FOXP1: variants seen among roughly 807,000 people sequenced by gnomAD.
FOXP1 encodes the protein forkhead box P1.
In FOXP1, 15 loss-of-function variants were observed where a neutral mutation model predicts 98.2. The observed-to-expected ratio is 0.15, with a 90% CI of 0.10 to 0.24. The LOEUF is 0.24. FOXP1 is among the 10% of genes least tolerant of loss of function. The pLI, the probability that FOXP1 is intolerant of heterozygous loss-of-function variation, is 1.00. For synonymous variants in FOXP1, 371 were observed against 314.5 expected (o/e 1.18, Z -1.90); for missense variants, 633 against 848.5 (o/e 0.75, Z 3.15).
chr3:71,049,282 C>T (rs956545819), intron 9 of FOXP1, among the ~76,000 whole-genome samples: 22 of 152,102 alleles, frequency 1.4e-4, no homozygotes, highest in Non-Finnish European at 3.1e-4. Context: ...CCGGGACAAA[C>T]GGCCCTTTTA....
chr3:71,498,879 C>G (rs2041115065), intron 2 of FOXP1, among the ~76,000 whole-genome samples: 1 of 152,186 alleles, frequency 6.6e-6, no homozygotes, highest in Non-Finnish European at 1.5e-5. Flanking sequence ...CTGATCCGGG[C>G]ACCATCCTTT....
intron 4 of FOXP1, among the ~76,000 whole-genome samples, chr3:71,324,528 A>G (rs1560306941): frequency 6.6e-6 from 1 of 151,956 alleles, no homozygotes; most frequent in East Asian, 2.0e-4. Context: ...AGAAAACCAA[A>G]TGCTGCATGT....
intron 3 of FOXP1, among the ~76,000 whole-genome samples, chr3:71,463,569 G>A (rs2088382307): frequency 6.6e-6 from 1 of 151,926 alleles, no homozygotes; most frequent in Non-Finnish European, 1.5e-5. Flanking sequence ...TCTGGGCTGG[G>A]GTCTCTCCCC....
intron 4 of FOXP1, among the ~76,000 whole-genome samples, chr3:71,335,970 A>G (rs1221472423): frequency 7.8e-6 from 1 of 128,020 alleles, no homozygotes; most frequent in Non-Finnish European, 1.6e-5. Flanking sequence ...AGATCGTGCC[A>G]TTGCACTCCA....
chr3:71,216,931 T>C (rs957736600), intron 5 of FOXP1, among the ~76,000 whole-genome samples: 47 of 152,302 alleles, frequency 3.1e-4, no homozygotes, highest in Middle Eastern at 3.4e-3. Context: ...GGGGAGAGGC[T>C]GGGGATGCTG....
intron 20 of FOXP1, among the ~76,000 whole-genome samples, chr3:70,963,096 C>T (rs532614099): frequency 6.6e-6 from 1 of 152,302 alleles, no homozygotes; most frequent in East Asian, 1.9e-4. Context: ...AACACGTTTT[C>T]CCCCTAAATT....
chr3:71,453,711 G>A (rs1030453189), intron 3 of FOXP1, among the ~76,000 whole-genome samples: 1 of 152,102 alleles, frequency 6.6e-6, no homozygotes, highest in Non-Finnish European at 1.5e-5. Flanking sequence ...TCCCCAAAAT[G>A]CTGATGACAT....
intron 2 of FOXP1, among the ~76,000 whole-genome samples, chr3:71,502,584 G>T (rs1264112741): frequency 6.6e-6 from 1 of 152,182 alleles, no homozygotes; most frequent in African/African-American, 2.4e-5. Context: ...CTAGAGAGGT[G>T]ATCCCTATGT....
chr3:71,356,033 G>A (rs1413713834), intron 4 of FOXP1, among the ~76,000 whole-genome samples: 1 of 151,932 alleles, frequency 6.6e-6, no homozygotes, highest in Non-Finnish European at 1.5e-5. Context: ...GGGGGACTAG[G>A]ACCTGCTTTG....
At position 71,190,282 on chromosome 3, in the gene FOXP1, C is replaced by T. The variant is rs114328409; in HGVS notation, c.180+7920G>A. On this transcript the variant is annotated intron_variant, in intron 6 of 20. Transcript: ENST00000649528. ...CTAACATATCAGTTCCCCCTCCACC[C>T]CCATTTTCTTCCACATACGGAGGCT... Among the ~76,000 whole-genome samples the T allele has an allele frequency of 2.5e-3, 378 of 152,150 alleles. 1 individual carries two copies. Among genetic ancestry groups the T allele is most frequent in the African/African-American group, 8.7e-3 (362 of 41,520 alleles).
At chr3:71,298,744 T>TTA (rs1430501973) in intron 5 of FOXP1, among the ~76,000 whole-genome samples, 1 of 151,930 alleles carries the variant, frequency 6.6e-6, no homozygotes, top group Non-Finnish European at 1.5e-5. Context: ...TCCATATCCT[T>TTA]TATATATATG....
chr3:71,053,829 C>T, intron 7 of FOXP1, 56 bp from the exon 8 acceptor site: 1 of 1,607,246 alleles, frequency 6.2e-7, no homozygotes, highest in South Asian at 1.1e-5. Context: ...CACGCAGCCT[C>T]CCAGGTTCAG....
chr3:70,984,272 A>G (rs563476168), intron 14 of FOXP1, among the ~76,000 whole-genome samples: 3 of 152,298 alleles, frequency 2.0e-5, no homozygotes, highest in African/African-American at 7.2e-5. Flanking sequence ...CTTCCTCTAC[A>G]CTGATACTCA....
At position 71,376,367 on chromosome 3, in the gene FOXP1, G is replaced by A. The variant is rs201933269; in HGVS notation, c.-167-17123C>T. 8.5e-5 allele frequency among the ~76,000 whole-genome samples: 13 copies of A among 152,146 alleles called. No individual in the cohort carries two copies. In the East Asian group the frequency reaches 1.5e-3, roughly 18 times the overall value. The stretch of plus-strand genomic sequence containing the variant: ...ACTTGTCTCCACTGAGTCCATTTAC[G>A]GAGAATATGTCAATGATGTGTTTGC... On this transcript the variant is annotated intron_variant, in intron 3 of 20. Coordinates refer to ENST00000649528, the MANE Select transcript of FOXP1 (RefSeq NM_001349338.3).
At chr3:71,541,910 C>T (rs2044858330) in intron 2 of FOXP1, 4 of 498,462 alleles carry the variant, frequency 8.0e-6, no homozygotes, top group Admixed American at 4.6e-5. Context: ...AAAGTCAACA[C>T]TCGAGGTTTG....
chr3:71,499,273 G>C (rs950547542), intron 2 of FOXP1, among the ~76,000 whole-genome samples: 1 of 152,084 alleles, frequency 6.6e-6, no homozygotes, highest in East Asian at 1.9e-4. Context: ...GCCTCCCCTA[G>C]TCCACTTAAG....
intron 4 of FOXP1, among the ~76,000 whole-genome samples, chr3:71,356,656 C>T (rs191215251): frequency 1.3e-5 from 2 of 152,228 alleles, no homozygotes; most frequent in African/African-American, 4.8e-5. Context: ...GAGGCCGTGG[C>T]ACAGAAAGGT....
At chr3:71,134,357 A>G (rs1225246631) in intron 6 of FOXP1, among the ~76,000 whole-genome samples, 2 of 152,244 alleles carry the variant, frequency 1.3e-5, no homozygotes, top group African/African-American at 2.4e-5. Flanking sequence ...CAAGAAATAC[A>G]TGATAGCAAG....
chr3:71,342,632 G>T (rs2107787705), intron 4 of FOXP1, among the ~76,000 whole-genome samples: 1 of 151,552 alleles, frequency 6.6e-6, no homozygotes, highest in Middle Eastern at 3.4e-3. Flanking sequence ...GGTGGAGGCT[G>T]CAGTGAGCCG....
Sources: allele counts gnomAD v4.1 joint callset (sites outside exome capture counted in the v4.1 genomes callset), GRCh38; gene constraint gnomAD v4.1.1; transcripts MANE v1.5; gene names NCBI Gene and HGNC (gene_info 2026-07-23, HGNC 2026-07-21).